Variants in GCNT1 observed in about 807,000 individuals in gnomAD.
GCNT1 encodes the protein beta-1,3-galactosyl-O-glycosyl-glycoprotein beta-1,6-N-acetylglucosaminyltransferase.
In GCNT1, 16 loss-of-function variants were observed where a neutral mutation model predicts 26.2. The ratio of observed to expected loss-of-function variants is 0.61; its 90% CI spans 0.41 to 0.93. The LOEUF is 0.93. Among genes scored for constraint, GCNT1 ranks in the 40% least tolerant of loss-of-function variants. GCNT1 has a pLI of 0.00. For synonymous variants in GCNT1, 183 were observed against 190.8 expected (o/e 0.96, Z 0.34); for missense variants, 477 against 526.7 (o/e 0.91, Z 0.92).
chr9:76,450,845 T>C (rs1823654535), intron 1 of GCNT1, among the ~76,000 whole-genome samples: 1 of 152,246 alleles, frequency 6.6e-6, no homozygotes, highest in Admixed American at 6.5e-5. Flanking sequence ...TATTTTGTTA[T>C]GCATACATTT....
intron 2 of GCNT1, among the ~76,000 whole-genome samples, chr9:76,464,883 C>G (rs891696260): frequency 1.3e-5 from 2 of 152,196 alleles, no homozygotes; most frequent in Non-Finnish European, 2.9e-5. Flanking sequence ...TTAGGCAGAT[C>G]CCTGATATGG....
upstream of GCNT1, among the ~76,000 whole-genome samples, chr9:76,457,763 T>G (rs1213159784): frequency 6.6e-6 from 1 of 152,240 alleles, no homozygotes; most frequent in Non-Finnish European, 1.5e-5. Context: ...TACATTTACC[T>G]AATCTACTTG....
chr9:76,504,445 T>A lies in GCNT1; in HGVS notation c.*777T>A, dbSNP rs1422565258. On this transcript the variant is annotated 3_prime_UTR_variant, in exon 4 of 4. Transcript: ENST00000376730. Reference sequence around the variant, plus strand: ...TTTTTCTAGAGATTTGCCTCTATCTTCCTTTCCTCAGTCTTCCCAGACTGC... The same window carrying A: ...TTTTTCTAGAGATTTGCCTCTATCTACCTTTCCTCAGTCTTCCCAGACTGC... 1 of 258,252 alleles carries A rather than the reference T, an allele frequency of 3.9e-6. No individual in the cohort carries two copies. Among genetic ancestry groups the A allele is most frequent in the Non-Finnish European group, 7.8e-6 (1 of 128,284 alleles). The allele number at this position is 258,252 out of a possible 1,614,324, so 16.0% of individuals were successfully genotyped here.
chr9:76,418,507 G>C (rs1317524143), upstream of GCNT1, among the ~76,000 whole-genome samples: 2 of 152,180 alleles, frequency 1.3e-5, no homozygotes, highest in Non-Finnish European at 2.9e-5. Context: ...TCAGACGGTT[G>C]GTTGGTGGGC....
the GCNT1 span, chr9:76,398,725 A>G: frequency 7.6e-7 from 1 of 1,307,528 alleles, no homozygotes; most frequent in East Asian, 2.3e-5. Context: ...ATGTCCTGCA[A>G]ATGAAGGAGG....
At chr9:76,476,496 A>C (rs1824255726) in intron 2 of GCNT1, among the ~76,000 whole-genome samples, 1 of 151,778 alleles carries the variant, frequency 6.6e-6, no homozygotes, top group African/African-American at 2.4e-5. Context: ...AGACAATGAG[A>C]TCTTTTATTC....
At chr9:76,477,560 C>T (rs1330539242) in intron 2 of GCNT1, among the ~76,000 whole-genome samples, 1 of 151,714 alleles carries the variant, frequency 6.6e-6, no homozygotes, top group Non-Finnish European at 1.5e-5. Flanking sequence ...TAACATTCTT[C>T]ATCTCATTCA....
intron 1 of GCNT1, among the ~76,000 whole-genome samples, chr9:76,429,401 G>T (rs1587406512): frequency 6.6e-6 from 1 of 152,136 alleles, no homozygotes; most frequent in African/African-American, 2.4e-5. Flanking sequence ...TTGCAAAGTG[G>T]TTGTATCAAT....
chr9:76,503,823 G>T lies in GCNT1; in HGVS notation c.*155G>T. 1 of 646,018 alleles carries T rather than the reference G, an allele frequency of 1.5e-6. No individual in the cohort carries two copies. The highest frequency in any genetic ancestry group is 2.8e-6 in the Non-Finnish European group (1 of 357,444). The allele number at this position is 646,018 out of a possible 1,614,324, so 40.0% of individuals were successfully genotyped here. On this transcript the variant is annotated 3_prime_UTR_variant, in exon 4 of 4. Coordinates refer to ENST00000376730, the MANE Select transcript of GCNT1 (RefSeq NM_001490.5). ...TTGTCAGAGAAGCTGCATGGTTTCT[G>T]CAGAGCACAGTTAGCTAGAAAGGTG...
chr9:76,399,808 G>T, the GCNT1 span, among the ~76,000 whole-genome samples: 2 of 151,916 alleles, frequency 1.3e-5, no homozygotes, highest in African/African-American at 4.8e-5. Flanking sequence ...ATTCAGAATT[G>T]CCAAAACGTG....
intron 3 of GCNT1, among the ~76,000 whole-genome samples, chr9:76,501,600 T>C (rs1825071776): frequency 6.6e-6 from 1 of 152,208 alleles, no homozygotes; most frequent in Non-Finnish European, 1.5e-5. Context: ...CGGGGCTTTG[T>C]TTCATCTGAG....
intron 2 of GCNT1, among the ~76,000 whole-genome samples, chr9:76,468,042 G>C (rs1173277425): frequency 6.6e-6 from 1 of 151,754 alleles, no homozygotes; most frequent in African/African-American, 2.4e-5. Context: ...GAGTAGCTGG[G>C]ATTACAGGCA....
chr9:76,434,570 A>G (rs1343484179), intron 1 of GCNT1, among the ~76,000 whole-genome samples: 2 of 152,220 alleles, frequency 1.3e-5, no homozygotes, highest in Non-Finnish European at 2.9e-5. Flanking sequence ...TGTTTGAACA[A>G]CATGAAATCT....
chr9:76,426,931 GAATA>G (rs2131574330), intron 1 of GCNT1, among the ~76,000 whole-genome samples: 1 of 152,064 alleles, frequency 6.6e-6, no homozygotes, highest in African/African-American at 2.4e-5. Context: ...AACAAAACAA[GAATA>G]AATATTCATT....
rs142478697 is a variant in GCNT1, at chr9:76,443,796, G to A, written c.-290+1481G>A. ...CTTGGGAGGCTGAAGCAGGAGAATC[G>A]CTTGAACCTGGGAGGCGGAGGTTTC... On this transcript the variant is annotated intron_variant, in intron 1 of 2. Coordinates refer to the GCNT1 transcript ENST00000442371. Among the ~76,000 whole-genome samples, 1,097 of 152,044 alleles carry A rather than the reference G, an allele frequency of 7.2e-3. 13 individuals are homozygous for A. The highest frequency in any genetic ancestry group is 0.025 in the African/African-American group (1,046 of 41,448).
chr9:76,398,829 A>G, the GCNT1 span: 3 of 1,402,658 alleles, frequency 2.1e-6, no homozygotes, highest in South Asian at 1.1e-5. Flanking sequence ...AGGAAAAGTA[A>G]TGGCATCTAT....
chr9:76,483,728 G>A (rs954415846), intron 2 of GCNT1, among the ~76,000 whole-genome samples: 8 of 152,006 alleles, frequency 5.3e-5, no homozygotes, highest in Admixed American at 2.0e-4. Flanking sequence ...TGACCATTAA[G>A]GAGGGTTTAA....
chr9:76,394,105 G>A, the GCNT1 span: 2 of 1,607,738 alleles, frequency 1.2e-6, no homozygotes, highest in Non-Finnish European at 8.5e-7. Flanking sequence ...GGGATGCCCA[G>A]CTGCTTGGAG....
intron 1 of GCNT1, among the ~76,000 whole-genome samples, chr9:76,449,414 G>A (rs1036908106): frequency 2.6e-5 from 4 of 152,124 alleles, no homozygotes; most frequent in African/African-American, 9.7e-5. Context: ...TGAGCTAAAG[G>A]CAACTGAGAA....
Sources: allele counts gnomAD v4.1 joint callset (sites outside exome capture counted in the v4.1 genomes callset), GRCh38; gene constraint gnomAD v4.1.1; transcripts MANE v1.5; gene names NCBI Gene and HGNC (gene_info 2026-07-23, HGNC 2026-07-21).